SPAG16: variants seen among roughly 807,000 people sequenced by gnomAD.
SPAG16 encodes sperm associated antigen 16.
SPAG16 carries 86 observed loss-of-function variants against 80.4 expected under a neutral mutation model. The ratio of observed to expected loss-of-function variants is 1.07; its 90% CI spans 0.90 to 1.28. The LOEUF (loss-of-function observed/expected upper bound fraction) is 1.28. SPAG16 is among the 50% of genes most tolerant of loss of function. SPAG16 has a pLI of 0.00. For missense variants in SPAG16, 870 were observed against 765.3 expected (o/e 1.14, Z -1.61); for synonymous variants, 294 against 265.9 (o/e 1.11, Z -1.03).
At chr2:213,686,674 C>CT (rs748200040) in intron 10 of SPAG16, among the ~76,000 whole-genome samples, 2,390 of 86,142 alleles carry the variant, frequency 0.028, 772 homozygotes, top group Non-Finnish European at 0.041. Context: ...ATTAATCCAC[C>CT]TTTTTTTTTT....
rs185234961 is a variant in SPAG16, at chr2:214,069,708, T to A, written c.1528-38488T>A. 5.3e-5 allele frequency among the ~76,000 whole-genome samples: 8 copies of A among 152,226 alleles called. No homozygotes were observed. In the East Asian group the frequency reaches 1.5e-3, roughly 29 times the overall value. On this transcript the variant is annotated intron_variant, in intron 13 of 15. Transcript: ENST00000331683. The stretch of plus-strand genomic sequence containing the variant: ...GCTTGTTCCCTTCTGTCACCTTTTT[T>A]TTTGTTGTTTTTAAGCCCTCAGTAT...
chr2:213,492,156 C>A (rs964338391), intron 10 of SPAG16, among the ~76,000 whole-genome samples: 2 of 151,916 alleles, frequency 1.3e-5, no homozygotes, highest in African/African-American at 4.9e-5. Context: ...ACTTCTTTCT[C>A]TGTACTCTCA....
intron 10 of SPAG16, among the ~76,000 whole-genome samples, chr2:213,731,135 C>T (rs970835926): frequency 1.2e-4 from 18 of 148,300 alleles, no homozygotes; most frequent in Non-Finnish European, 2.1e-4. Context: ...ATAATTCCAA[C>T]ATCTACATTA....
intron 9 of SPAG16, among the ~76,000 whole-genome samples, chr2:213,389,952 A>G (rs943722390): frequency 9.2e-5 from 14 of 152,188 alleles, no homozygotes; most frequent in Non-Finnish European, 1.8e-4. Flanking sequence ...TAGCAGTGTT[A>G]CTCACAGTAG....
At chr2:213,560,481 A>G (rs564883757) in intron 10 of SPAG16, among the ~76,000 whole-genome samples, 1 of 152,172 alleles carries the variant, frequency 6.6e-6, no homozygotes, top group Non-Finnish European at 1.5e-5. Flanking sequence ...ATATAATTTT[A>G]TAATTTTAAT....
intron 10 of SPAG16, among the ~76,000 whole-genome samples, chr2:213,490,707 G>T (rs1466297726): frequency 6.6e-6 from 1 of 151,810 alleles, no homozygotes; most frequent in Non-Finnish European, 1.5e-5. Flanking sequence ...TTCATTAAGT[G>T]GCCAGCTTTT....
At chr2:213,970,906 A>G (rs1392504884) in intron 12 of SPAG16, among the ~76,000 whole-genome samples, 1 of 152,214 alleles carries the variant, frequency 6.6e-6, no homozygotes, top group Non-Finnish European at 1.5e-5. Flanking sequence ...ATTTTCATTA[A>G]GCATGACTAC....
At chr2:213,484,324 A>G (rs1230842492) in intron 9 of SPAG16, among the ~76,000 whole-genome samples, 1 of 152,236 alleles carries the variant, frequency 6.6e-6, no homozygotes, top group Non-Finnish European at 1.5e-5. Context: ...CATAAAGGTC[A>G]AGTAATTGAA....
At chr2:214,166,677 T>C (rs556971805) in intron 15 of SPAG16, among the ~76,000 whole-genome samples, 2 of 152,304 alleles carry the variant, frequency 1.3e-5, no homozygotes, top group South Asian at 2.1e-4. Flanking sequence ...GAGAGTGGGC[T>C]CTTTGTTTCC....
chr2:213,285,999 A>G, intron 1 of SPAG16: 2 of 1,006,482 alleles, frequency 2.0e-6, no homozygotes, highest in Non-Finnish European at 2.7e-6. Flanking sequence ...TGAGATTGAC[A>G]CAATGAGGTA....
intron 10 of SPAG16, among the ~76,000 whole-genome samples, chr2:213,609,786 A>G (rs943246807): frequency 3.9e-5 from 6 of 152,032 alleles, no homozygotes; most frequent in Non-Finnish European, 5.9e-5. Flanking sequence ...TTGAGTTTTG[A>G]TCTTTAATTC....
intron 9 of SPAG16, among the ~76,000 whole-genome samples, chr2:213,417,535 A>C (rs1399150363): frequency 6.6e-6 from 1 of 152,216 alleles, no homozygotes; most frequent in African/African-American, 2.4e-5. Flanking sequence ...TTTGTTAAAA[A>C]CTGTTATAGA....
intron 15 of SPAG16, among the ~76,000 whole-genome samples, chr2:214,275,844 T>A (rs2125903346): frequency 6.6e-6 from 1 of 152,334 alleles, no homozygotes; most frequent in Middle Eastern, 3.4e-3. Flanking sequence ...GTCCTGGATA[T>A]CTTTGTTAAT....
intron 15 of SPAG16, among the ~76,000 whole-genome samples, chr2:214,321,655 C>T (rs1696104644): frequency 6.6e-6 from 1 of 152,144 alleles, no homozygotes; most frequent in South Asian, 2.1e-4. Context: ...TTTTAGTGTA[C>T]AGAAATACTA....
intron 12 of SPAG16, among the ~76,000 whole-genome samples, chr2:213,997,096 G>A (rs1254503671): frequency 1.3e-5 from 2 of 152,060 alleles, no homozygotes; most frequent in Non-Finnish European, 2.9e-5. Flanking sequence ...CATTTTTAGG[G>A]ACTACATATG....
chr2:214,351,529 G>A (rs543329301), intron 15 of SPAG16, among the ~76,000 whole-genome samples: 9,306 of 96,768 alleles, frequency 0.096, 417 homozygotes, highest in Non-Finnish European at 0.17. Context: ...GTGAAACCCC[G>A]TTTCTACTAA....
At chr2:213,773,038 T>C (rs1482246135) in intron 10 of SPAG16, among the ~76,000 whole-genome samples, 1 of 152,172 alleles carries the variant, frequency 6.6e-6, no homozygotes, top group East Asian at 1.9e-4. Flanking sequence ...CACTAAAGCC[T>C]TTAACATATT....
intron 9 of SPAG16, among the ~76,000 whole-genome samples, chr2:213,402,246 T>A (rs1032477430): frequency 6.6e-6 from 1 of 152,044 alleles, no homozygotes; most frequent in African/African-American, 2.4e-5. Context: ...GAATTCACAC[T>A]CATGATTGCA....
chr2:213,815,897 T>C (rs2072503213), intron 10 of SPAG16, among the ~76,000 whole-genome samples: 1 of 152,182 alleles, frequency 6.6e-6, no homozygotes, highest in Admixed American at 6.5e-5. Flanking sequence ...GGGCTATACC[T>C]TATTTTCATC....
Sources: gnomAD v4.1 joint callset for allele counts (sites outside exome capture counted in the v4.1 genomes callset) on GRCh38, gnomAD v4.1.1 for gene constraint, MANE v1.5 for transcripts, NCBI Gene and HGNC (gene_info 2026-07-23, HGNC 2026-07-21) for gene names.